The following KDM5C variants were observed in gnomAD, a reference collection of about 807,000 sequenced individuals.
KDM5C encodes the protein lysine demethylase 5C, also known as lysine-specific demethylase 5C.
In KDM5C, 16 loss-of-function variants were observed where a neutral mutation model predicts 110.6. The observed-to-expected ratio is 0.14, with a 90% confidence interval of 0.10 to 0.22. The LOEUF is 0.22. Ranked by LOEUF, KDM5C falls within the 10% of genes least tolerant of loss-of-function variation. The pLI is 1.00. For synonymous variants in KDM5C, 511 were observed against 520.4 expected, an observed-to-expected ratio of 0.98 and a Z score of 0.24; for missense variants, 681 against 1,300.9, an observed-to-expected ratio of 0.52 and a Z score of 7.33.
At chrX:53,187,897 C>T (rs191630968), downstream of KDM5C, among the ~76,000 whole-genome samples, 126 of 109,127 alleles carry the variant, frequency 1.2e-3, no homozygotes, top group East Asian at 0.018. Context: ...CGCCCACCAC[C>T]ACTCCCGGCT....
Position 53,224,724 on chromosome X carries a change from C to A in KDM5C, c.150+16G>T, listed in dbSNP as rs782710524. On this transcript the variant is annotated intron_variant, in intron 1 of 25. Coordinates refer to ENST00000375401, the MANE Select transcript of KDM5C (RefSeq NM_004187.5). Reference sequence around the variant, plus strand: ...ATTCCGTCTCGCCGCCGGCGAAAACCGGCCCCGGGGCTTACCGCGGGTGGG... The same window carrying A: ...ATTCCGTCTCGCCGCCGGCGAAAACAGGCCCCGGGGCTTACCGCGGGTGGG... 3.3e-6 allele frequency: 4 copies of A among 1,211,322 alleles called. No homozygotes were observed. Among genetic ancestry groups the A allele is most frequent in the Non-Finnish European group, 2.2e-6 (2 of 894,911 alleles).
intron 14 of KDM5C, 152 bp from the exon 15 acceptor site, chrX:53,199,310 T>G: frequency 1.8e-6 from 1 of 546,810 alleles, no homozygotes; most frequent in Non-Finnish European, 3.1e-6. Context: ...ACCTGCCCTT[T>G]GTAAAGTCTA....
rs1569271926 is a variant in KDM5C, at chrX:53,208,450, CACAT to C, written c.1746+1960_1746+1963del. On this transcript the variant is annotated intron_variant, in intron 12 of 25. Coordinates refer to ENST00000375401, the MANE Select transcript of KDM5C (RefSeq NM_004187.5). ...ATATATATATATATATATACACACA[CACAT>C]ATATATATATATGCCTCTTAGCTAC... 4.6e-4 allele frequency among the ~76,000 whole-genome samples: 46 copies of C among 98,993 alleles called. No individual in the cohort carries two copies. In the South Asian group the frequency reaches 0.013, roughly 29 times the overall value. 86.0% of individuals were successfully genotyped at this position (98,993 alleles called of 115,157 possible). A position where few individuals can be genotyped will look rare whatever the true frequency, so the allele number is the denominator to read the frequency against.
At chrX:53,183,103 C>T (rs140470338) in intron 25 of KDM5C, among the ~76,000 whole-genome samples, 15 of 109,782 alleles carry the variant, frequency 1.4e-4, no homozygotes, top group Middle Eastern at 4.7e-3. Context: ...TCTCTCCCCT[C>T]GTTGAATGGA....
intron 7 of KDM5C, 132 bp from the exon 8 acceptor site, chrX:53,214,979 A>G: frequency 1.5e-6 from 1 of 668,343 alleles, no homozygotes; most frequent in Non-Finnish European, 2.4e-6. Flanking sequence ...ATCTCCCCAA[A>G]TAAGCAGGTA....
chrX:53,210,639 C>A (rs372005002), intron 11 of KDM5C, 37 bp downstream of exon 11: 6 of 1,208,380 alleles, frequency 5.0e-6, no homozygotes, highest in Non-Finnish European at 6.7e-6. Flanking sequence ...GGAGCCCACA[C>A]TGACTTGATT....
chrX:53,195,814 C>CAGCCA (rs1934800288), intron 20 of KDM5C, 102 bp downstream of exon 20: 2 of 960,265 alleles, frequency 2.1e-6, no homozygotes, highest in Admixed American at 5.3e-5. Flanking sequence ...TTCCTCTCTC[C>CAGCCA]AGCCAACCCA....
chrX:53,192,523 G>T lies in KDM5C; in HGVS notation c.*444C>A, dbSNP rs1407275904. 13 of 334,873 alleles carry T rather than the reference G, an allele frequency of 3.9e-5. 1 individual carries two copies. Among genetic ancestry groups the T allele is most frequent in the Non-Finnish European group, 1.6e-5 (3 of 187,433 alleles). The allele number at this position is 334,873 out of a possible 1,213,427, so 27.6% of individuals were successfully genotyped here. On this transcript the variant is annotated 3_prime_UTR_variant, in exon 26 of 26. Transcript: ENST00000375401. ...AGTCAGGGGAAGGGAGAGGGAGAAG[G>T]GGGTAGGAAGGAAGGAAAAGAGGGG...
intron 2 of KDM5C, among the ~76,000 whole-genome samples, chrX:53,220,285 T>C (rs1468130066): frequency 8.9e-6 from 1 of 111,747 alleles, no homozygotes; most frequent in East Asian, 2.8e-4. Context: ...CTGGACTTCC[T>C]GTACAGAACA....
rs1260412993 is a variant in KDM5C, at chrX:53,225,013, C to G, written c.-124G>C. On this transcript the variant is annotated 5_prime_UTR_variant, in exon 1 of 26. Transcript: ENST00000375401. The stretch of plus-strand genomic sequence containing the variant: ...TAGGCCCTAAGCGGGGCAGCCGCCG[C>G]CCGCCGAGGGCCTAAGGGGGCGTGT... The G allele has an allele frequency of 3.4e-6, 3 of 879,980 alleles. No individual in the cohort carries two copies. The highest frequency in any genetic ancestry group is 4.6e-6 in the Non-Finnish European group (3 of 651,119). 72.5% of individuals were successfully genotyped at this position (879,980 alleles called of 1,213,427 possible).
chrX:53,214,453 C>T, intron 8 of KDM5C: 1 of 416,276 alleles, frequency 2.4e-6, no homozygotes, highest in Non-Finnish European at 4.2e-6. Context: ...GTTTATATGT[C>T]ACCACATATA....
intron 12 of KDM5C, 79 bp downstream of exon 12, chrX:53,210,335 C>G (rs1447169556): frequency 4.4e-6 from 5 of 1,147,417 alleles, no homozygotes; most frequent in Non-Finnish European, 5.9e-6. Flanking sequence ...ATACAGATGA[C>G]AACCACCGCC....
At chrX:53,193,397 G>A (rs1556832696) in intron 25 of KDM5C, 40 bp downstream of exon 25, 5 of 1,211,393 alleles carry the variant, frequency 4.1e-6, no homozygotes, top group Admixed American at 4.3e-5. Flanking sequence ...CTCCCTACTC[G>A]GCCTGACCTC....
downstream of KDM5C, among the ~76,000 whole-genome samples, chrX:53,187,541 T>C (rs372555136): frequency 2.8e-4 from 31 of 110,729 alleles, no homozygotes; most frequent in African/African-American, 9.2e-4. Context: ...AGAATGTCTG[T>C]AGTAGTTGTC....
chrX:53,215,170 C>T (rs781787160), intron 7 of KDM5C: 3 of 410,346 alleles, frequency 7.3e-6, no homozygotes, highest in Non-Finnish European at 1.4e-5. Flanking sequence ...TTAAAAATTG[C>T]CAATAGCGGT....
chrX:53,200,249 G>C (rs960835522), intron 14 of KDM5C, among the ~76,000 whole-genome samples: 2 of 111,724 alleles, frequency 1.8e-5, no homozygotes, highest in Non-Finnish European at 3.8e-5. Context: ...TCTAAAGCCA[G>C]AGAATATTCT....
At chrX:53,178,820 C>T (rs782794617) in intron 25 of KDM5C, among the ~76,000 whole-genome samples, 3 of 112,257 alleles carry the variant, frequency 2.7e-5, no homozygotes, top group East Asian at 2.8e-4. Flanking sequence ...TACTGTCACC[C>T]GGGTGTGATG....
chrX:53,218,227 G>A, intron 3 of KDM5C, 49 bp downstream of exon 3: 1 of 1,206,954 alleles, frequency 8.3e-7, no homozygotes, highest in Non-Finnish European at 1.1e-6. Context: ...AGAGTATCAA[G>A]GATATTGGGG....
intron 12 of KDM5C, among the ~76,000 whole-genome samples, chrX:53,203,174 ATCT>A (rs1181726513): frequency 8.9e-6 from 1 of 111,838 alleles, no homozygotes; most frequent in Non-Finnish European, 1.9e-5. Flanking sequence ...CACTGCTCTG[ATCT>A]TCTAGTGTTA....
Sources: gnomAD v4.1 joint callset for allele counts (sites outside exome capture counted in the v4.1 genomes callset) on GRCh38, gnomAD v4.1.1 for gene constraint, MANE v1.5 for transcripts, NCBI Gene and HGNC (gene_info 2026-07-23, HGNC 2026-07-21) for gene names.